MACF1: variants seen among roughly 807,000 people sequenced by gnomAD.
MACF1 encodes the protein microtubule-actin cross-linking factor 1.
MACF1 carries 193 observed loss-of-function variants against 854.8 expected under a neutral mutation model. The observed-to-expected ratio is 0.23, with a 90% CI of 0.20 to 0.25. The LOEUF (loss-of-function observed/expected upper bound fraction) is 0.25. Among genes scored for constraint, MACF1 ranks in the 10% least tolerant of loss-of-function variants. The probability of loss-of-function intolerance (pLI) is 1.00; values close to 1 mark genes in which losing one functional copy is unlikely to be tolerated. For synonymous variants in MACF1, 3,185 were observed against 3,226.7 expected, an observed-to-expected ratio of 0.99 and a Z score of 0.44; for missense variants, 7,722 against 8,929.1, an observed-to-expected ratio of 0.86 and a Z score of 5.45.
At chr1:39,154,839 C>T (rs1557486349) in intron 2 of MACF1, among the ~76,000 whole-genome samples, 1 of 152,152 alleles carries the variant, frequency 6.6e-6, no homozygotes, top group Non-Finnish European at 1.5e-5. Context: ...TTCCACTCAG[C>T]TCTTAGGTGT....
At chr1:39,208,247 T>TC (rs1050421749) in intron 1 of MACF1, among the ~76,000 whole-genome samples, 1 of 151,648 alleles carries the variant, frequency 6.6e-6, no homozygotes, top group Non-Finnish European at 1.5e-5. Context: ...CATCCAGGAC[T>TC]CCAGCATCTT....
intron 2 of MACF1, among the ~76,000 whole-genome samples, chr1:39,099,564 A>G (rs1642016352): frequency 6.6e-6 from 1 of 152,188 alleles, no homozygotes; most frequent in Admixed American, 6.6e-5. Context: ...AAGGAGCACT[A>G]GCAGAAAGAG....
chr1:39,413,886 T>A, intron 58 of MACF1: 8 of 1,607,628 alleles, frequency 5.0e-6, no homozygotes, highest in Admixed American at 3.4e-5. Context: ...CCCCTGCAGC[T>A]ATGGTGGCCA....
chr1:39,394,631 G>A (rs28479968), intron 58 of MACF1, among the ~76,000 whole-genome samples: 2 of 151,736 alleles, frequency 1.3e-5, no homozygotes, highest in East Asian at 3.9e-4. Flanking sequence ...TCCAAAAAAA[G>A]AAAAAGAAAA....
At chr1:39,400,689 G>A (rs757950799) in intron 58 of MACF1, among the ~76,000 whole-genome samples, 11 of 151,964 alleles carry the variant, frequency 7.2e-5, no homozygotes, top group Admixed American at 1.3e-4. Flanking sequence ...TGTATCTTTT[G>A]TAGAGATGGG....
chr1:39,315,265 A>C (rs1646389614), intron 26 of MACF1, among the ~76,000 whole-genome samples: 1 of 152,124 alleles, frequency 6.6e-6, no homozygotes, highest in South Asian at 2.1e-4. Flanking sequence ...TGCTATAGAT[A>C]CTCTGTTGAC....
At chr1:39,350,368 G>C (rs1010431176) in intron 42 of MACF1, among the ~76,000 whole-genome samples, 11 of 152,184 alleles carry the variant, frequency 7.2e-5, no homozygotes, top group African/African-American at 2.7e-4. Flanking sequence ...ATTAGGGAAA[G>C]TTGAAGTTGG....
chr1:39,373,053 T>C (rs1014949631), intron 52 of MACF1: 3 of 172,856 alleles, frequency 1.7e-5, no homozygotes, highest in Admixed American at 6.4e-5. Flanking sequence ...ACACCTGTAA[T>C]CCCAGCACTT....
At position 39,447,714 on chromosome 1, in the gene MACF1, C is replaced by T; in HGVS notation, c.19784C>T (p.Ala6595Val). The change falls in exon 82 of 101, where the codon GCT becomes GTT. Residue 6595 changes from alanine (A) to valine (V), a missense_variant. Around this residue, in one of 15 missense-constraint regions of MACF1, gnomAD observed 729 missense variants for 900.5 expected, o/e 0.81. Coordinates refer to ENST00000564288, the MANE Select transcript of MACF1 (RefSeq NM_001394062.1). ...CAGGTTTTTGCTAATGAAGTAAATG[C>T]TCATCGAGACCAGATCATTGAGCTG... ...EHKVFANEVN[A>V]HRDQIIELDQ... 2 of 1,614,130 alleles carry T rather than the reference C, an allele frequency of 1.2e-6. No individual in the cohort carries two copies. The highest frequency in any genetic ancestry group is 1.1e-5 in the South Asian group (1 of 91,074).
At chr1:39,454,001 T>G (rs1644387094) in intron 88 of MACF1, 151 bp downstream of exon 88, 1 of 886,522 alleles carries the variant, frequency 1.1e-6, no homozygotes, top group Middle Eastern at 3.6e-4. Flanking sequence ...ACTGTTTTCT[T>G]GGTAATGTGT....
intron 2 of MACF1, among the ~76,000 whole-genome samples, chr1:39,093,292 C>G (rs1641853923): frequency 6.7e-6 from 1 of 150,048 alleles, no homozygotes; most frequent in Non-Finnish European, 1.5e-5. Flanking sequence ...CAAGACATTC[C>G]CCTACTCCAC....
chr1:39,283,986 G>T lies in MACF1; in HGVS notation c.916-80G>T. The T allele has an allele frequency of 1.4e-6, 2 of 1,472,230 alleles. No individual in the cohort carries two copies. The highest frequency in any genetic ancestry group is 1.9e-6 in the Non-Finnish European group (2 of 1,069,964). 91.2% of individuals were successfully genotyped at this position (1,472,230 alleles called of 1,614,324 possible). ...AAAGGAAATGGATTTTATATAGTTT[G>T]GAGTGGCCTGAGCTACTTTCTCTTG... On this transcript the variant is annotated intron_variant, in intron 9 of 100. Transcript: ENST00000564288. This position sits in a 1 kb window ranked among gnomAD's most constrained non-coding sequence, Gnocchi z 4.5.
chr1:39,204,877 G>A lies in MACF1; in HGVS notation c.-146G>A. On this transcript the variant is annotated 5_prime_UTR_variant, in exon 1 of 101. Coordinates refer to ENST00000564288, the MANE Select transcript of MACF1 (RefSeq NM_001394062.1). ...CAGTCAGAAGTGAGATGGAGGAGAA[G>A]CTGCCAGGAAGTTTCTGACAACACT... 1 of 611,442 alleles carries A rather than the reference G, an allele frequency of 1.6e-6. No homozygotes were observed. The allele number at this position is 611,442 out of a possible 1,614,324, so 37.9% of individuals were successfully genotyped here.
intron 41 of MACF1, 59 bp from the exon 42 acceptor site, chr1:39,349,419 C>A (rs1014582210): frequency 1.4e-5 from 22 of 1,531,704 alleles, no homozygotes; most frequent in Admixed American, 2.0e-5. Flanking sequence ...CAGGGAGTTT[C>A]TTGTATTTGC....
Position 39,405,374 on chromosome 1 carries a change from C to T in MACF1, c.15816+16716C>T, listed in dbSNP as rs148468705. ...AGATTTAAAATGAGCAAGATCCAAC[C>T]AGTCCTCTGTATCCTCTTCTACTCA... On this transcript the variant is annotated intron_variant, in intron 58 of 100. Coordinates refer to ENST00000564288, the MANE Select transcript of MACF1 (RefSeq NM_001394062.1). Among the ~76,000 whole-genome samples, 940 of 150,906 alleles carry T rather than the reference C, an allele frequency of 6.2e-3. 4 individuals carry two copies. Among genetic ancestry groups the T allele is most frequent in the Middle Eastern group, 0.014 (4 of 290 alleles).
intron 58 of MACF1, chr1:39,412,334 CTG>C (rs1643050349): frequency 7.4e-6 from 12 of 1,614,004 alleles, no homozygotes; most frequent in Non-Finnish European, 1.0e-5. Flanking sequence ...GGGAATGTAA[CTG>C]TTAATCAAGA....
At position 39,285,108 on chromosome 1, in the gene MACF1, A is replaced by T. The variant is rs760522659; in HGVS notation, c.1157A>T (p.Lys386Ile). The change falls in exon 12 of 101, where the codon AAA (lysine) becomes ATA (isoleucine). Residue 386 changes from lysine to isoleucine, a missense_variant. By Grantham distance (102) the Lys-to-Ile change is moderately radical. Coordinates refer to ENST00000564288, the MANE Select transcript of MACF1 (RefSeq NM_001394062.1). ...LEVWIEFGRI[K>I]LPQGYHPNDV... ...GTGTGGATTGAATTTGGCCGAATTA[A>T]ACTGCCTCAAGGTTATCACCCTAAT... 6.2e-6 allele frequency: 10 copies of T among 1,614,084 alleles called. No individual in the cohort carries two copies. In the Admixed American group the frequency reaches 1.7e-4, roughly 27 times the overall value.
intron 2 of MACF1, among the ~76,000 whole-genome samples, chr1:39,116,997 G>A (rs1415513857): frequency 1.3e-5 from 2 of 152,214 alleles, no homozygotes; most frequent in East Asian, 1.9e-4. Flanking sequence ...GAAGACCTGG[G>A]TGTTTACAAG....
intron 2 of MACF1, among the ~76,000 whole-genome samples, chr1:39,129,902 C>T (rs1642954836): frequency 6.6e-6 from 1 of 152,198 alleles, no homozygotes; most frequent in African/African-American, 2.4e-5. Flanking sequence ...TCCCCTCCCC[C>T]AAATGATTTG....
Sources: gnomAD v4.1 joint callset for allele counts (sites outside exome capture counted in the v4.1 genomes callset) on GRCh38, gnomAD v4.1.1 for gene constraint, gnomAD v4.1.1 regional missense constraint, Gnocchi (gnomAD v3.1) non-coding constraint, MANE v1.5 for transcripts, NCBI Gene and HGNC (gene_info 2026-07-23, HGNC 2026-07-21) for gene names.